SLC6A14: variants seen among roughly 807,000 people sequenced by gnomAD.
SLC6A14 encodes sodium- and chloride-dependent neutral and basic amino acid transporter B(0+).
SLC6A14 carries 21 observed loss-of-function variants against 51.4 expected under a neutral mutation model. The ratio of observed to expected loss-of-function variants is 0.41; its 90% CI spans 0.29 to 0.59. The LOEUF is 0.59. Among genes scored for constraint, SLC6A14 ranks in the 20% least tolerant of loss-of-function variants. SLC6A14 has a pLI of 0.31. For missense variants in SLC6A14, 371 were observed against 472.8 expected, an observed-to-expected ratio of 0.78 and a Z score of 2.00; for synonymous variants, 177 against 160.7, an observed-to-expected ratio of 1.10 and a Z score of -0.77.
At chrX:116,456,990 G>GT (rs1602516070) in intron 12 of SLC6A14, among the ~76,000 whole-genome samples, 1 of 111,704 alleles carries the variant, frequency 9.0e-6, no homozygotes, top group South Asian at 3.6e-4. Context: ...GATATTGAGG[G>GT]TTTTTTTGTT....
chrX:116,445,949 C>T (rs782396861), intron 6 of SLC6A14, among the ~76,000 whole-genome samples: 4,258 of 109,990 alleles, frequency 0.039, 247 homozygotes, highest in African/African-American at 0.14. Flanking sequence ...GAAAACTTTC[C>T]AAAATGTTTT....
intron 12 of SLC6A14, among the ~76,000 whole-genome samples, chrX:116,456,912 G>A (rs993018789): frequency 9.0e-6 from 1 of 111,723 alleles, no homozygotes; most frequent in Non-Finnish European, 1.9e-5. Flanking sequence ...AACATTTCGG[G>A]TTTATTTTAA....
chrX:116,436,748 G>A lies in SLC6A14; in HGVS notation c.39G>A (p.Arg13=). 3 of 1,165,682 alleles carry A rather than the reference G, an allele frequency of 2.6e-6. No homozygotes were observed. Among genetic ancestry groups the A allele is most frequent in the Non-Finnish European group, 3.4e-6 (3 of 871,805 alleles). Residue 13 remains arginine, a synonymous_variant, in exon 1 of 14, where the codon AGG becomes AGA. Coordinates refer to ENST00000598581, the MANE Select transcript of SLC6A14 (RefSeq NM_007231.5). ...KLKCPSFFKC[R]EKEKVSASSE... ...AATGCCCGAGTTTCTTCAAGTGCAG[G>A]GAGAAGGAGGTAGGGGTCTGGGAGC...
At position 116,458,626 on chromosome X, in the gene SLC6A14, C is replaced by A. The variant is rs138548349; in HGVS notation, c.1783-183C>A. Among the ~76,000 whole-genome samples, 681 of 111,675 alleles carry A rather than the reference C, an allele frequency of 6.1e-3. 2 individuals are homozygous for A. The highest frequency in any genetic ancestry group is 0.019 in the African/African-American group (595 of 30,829). The stretch of plus-strand genomic sequence containing the variant: ...TAACAACTAGCTACATTTGATTATA[C>A]CTTTTTCTTGGTAAACTGTGCATTA... On this transcript the variant is annotated intron_variant, in intron 13 of 13. Transcript: ENST00000598581.
intron 6 of SLC6A14, among the ~76,000 whole-genome samples, chrX:116,445,486 GA>G (rs1927691992): frequency 2.2e-4 from 19 of 87,825 alleles, no homozygotes; most frequent in Non-Finnish European, 4.5e-4. Context: ...GAGAGAGAGA[GA>G]GAGAGAGAGA....
At chrX:116,440,316 C>T (rs1927569520) in intron 2 of SLC6A14, among the ~76,000 whole-genome samples, 1 of 112,217 alleles carries the variant, frequency 8.9e-6, no homozygotes, top group Non-Finnish European at 1.9e-5. Context: ...AGTCTTCAAA[C>T]AAAACCAATA....
In SLC6A14 at chrX:116,457,761, A is replaced by G. The variant is rs782814452; in HGVS notation, c.1767A>G (p.Lys589=). Residue 589 remains lysine, a synonymous_variant, in exon 13 of 14, where the codon AAA becomes AAG. Transcript: ENST00000598581. ...CTATCATAAAAATAATTCAGGCTAA[A>G]GGAAACATCTTTCAAGTGAGTGCAT... ...IMAIIKIIQA[K]GNIFQRLISC... is the part of the protein sequence containing the mutation. 1 of 1,193,826 alleles carries G rather than the reference A, an allele frequency of 8.4e-7. No individual in the cohort carries two copies. Among genetic ancestry groups the G allele is most frequent in the South Asian group, 1.8e-5 (1 of 55,992 alleles).
At chrX:116,438,609 A>G (rs1315214406) in intron 2 of SLC6A14, among the ~76,000 whole-genome samples, 2 of 112,063 alleles carry the variant, frequency 1.8e-5, no homozygotes, top group African/African-American at 6.5e-5. Context: ...GGTAGACTCA[A>G]TTAGAAAAAG....
chrX:116,452,962 T>A (rs1364826415), intron 8 of SLC6A14, 55 bp from the exon 9 acceptor site: 6 of 972,427 alleles, frequency 6.2e-6, no homozygotes, highest in Non-Finnish European at 2.8e-6. Flanking sequence ...TTTTAAATGT[T>A]TAAATATGTG....
rs782615946 is a variant in SLC6A14 at position 116,455,454 on chromosome X, T to C, written c.1602T>C (p.Pro534=). ...WWRACWFVIT[P]ILLIAIFIWS... is the part of the protein sequence containing the mutation. ...GAGCTTGCTGGTTTGTAATTACGCC[T>C]ATCCTTTTGATTGTAAGTAATAATA... Residue 534 remains proline, a synonymous_variant, in exon 12 of 14, where the codon CCT becomes CCC. Transcript: ENST00000598581. 3.4e-6 allele frequency: 4 copies of C among 1,167,898 alleles called. No individual in the cohort carries two copies. Among genetic ancestry groups the C allele is most frequent in the Non-Finnish European group, 4.7e-6 (4 of 856,072 alleles).
rs61910752 is a variant in SLC6A14, at chrX:116,451,510, A to G, written c.999A>G (p.Leu333=). 6.9e-4 allele frequency: 837 copies of G among 1,208,981 alleles called. 4 individuals carry two copies. In the African/African-American group the frequency reaches 0.012, roughly 18 times the overall value. ...LSVAWGGLVA[L]SSYNKFKNNC... The stretch of plus-strand genomic sequence containing the variant: ...TGGCTTGGGGTGGCTTAGTTGCTCT[A>G]TCATCTTACAATAAGTTCAAAAACA... The change falls in exon 8 of 14, where the codon CTA becomes CTG. Residue 333 remains leucine, a synonymous_variant. Coordinates refer to ENST00000598581, the MANE Select transcript of SLC6A14 (RefSeq NM_007231.5).
chrX:116,436,642 C>T lies in SLC6A14; in HGVS notation c.-68C>T. ...GCAGGTAGGAACAGGGGAGAGTGCA[C>T]CTGCTACCAGTCAAGCTCAGCCAGA... On this transcript the variant is annotated 5_prime_UTR_variant, in exon 1 of 14. Coordinates refer to ENST00000598581, the MANE Select transcript of SLC6A14 (RefSeq NM_007231.5). 1.8e-6 allele frequency: 2 copies of T among 1,098,897 alleles called. No individual in the cohort carries two copies. 90.6% of individuals were successfully genotyped at this position (1,098,897 alleles called of 1,213,427 possible).
rs1217679249 is a variant in SLC6A14 at position 116,443,807 on chromosome X, A to T, written c.656+17A>T. ...ATATTGGAAGTAAGTATACTAGATG[A>T]TTTACTTTTAAGTAGATGTTATCTT... On this transcript the variant is annotated intron_variant, in intron 5 of 13. Coordinates refer to ENST00000598581, the MANE Select transcript of SLC6A14 (RefSeq NM_007231.5). 8.8e-7 allele frequency: 1 copy of T among 1,137,011 alleles called. No individual in the cohort carries two copies. Among genetic ancestry groups the T allele is most frequent in the Non-Finnish European group, 1.2e-6 (1 of 848,713 alleles). 93.7% of individuals were successfully genotyped at this position (1,137,011 alleles called of 1,213,427 possible).
At chrX:116,443,089 G>T (rs188648650) in intron 4 of SLC6A14, among the ~76,000 whole-genome samples, 43 of 110,861 alleles carry the variant, frequency 3.9e-4, no homozygotes, top group African/African-American at 1.3e-3. Context: ...TTGGGCAGGA[G>T]AGGAGAAACT....
intron 6 of SLC6A14, among the ~76,000 whole-genome samples, chrX:116,446,229 C>G (rs1402851673): frequency 1.8e-5 from 2 of 109,692 alleles, no homozygotes; most frequent in Non-Finnish European, 3.8e-5. Context: ...CTATCAAACT[C>G]TCTTAATGGT....
At chrX:116,443,837 T>G (rs1556693826) in intron 5 of SLC6A14, 47 bp downstream of exon 5, 1 of 994,132 alleles carries the variant, frequency 1.0e-6, no homozygotes, top group Admixed American at 3.1e-5. Context: ...TATCTTAAAA[T>G]TTGTACAAAA....
chrX:116,454,253 C>T, intron 9 of SLC6A14, 71 bp from the exon 10 acceptor site: 5 of 609,816 alleles, frequency 8.2e-6, no homozygotes, highest in East Asian at 3.3e-5. Flanking sequence ...GATTAACATA[C>T]ATTGAATTCT....
intron 6 of SLC6A14, 91 bp from the exon 7 acceptor site, chrX:116,446,650 A>T: frequency 1.5e-6 from 1 of 679,022 alleles, no homozygotes; most frequent in Non-Finnish European, 2.3e-6. Context: ...TTATTTAATT[A>T]ATCTCAACTG....
At chrX:116,454,126 C>T (rs782056865) in intron 9 of SLC6A14, among the ~76,000 whole-genome samples, 198 bp from the exon 10 acceptor site, 5 of 110,838 alleles carry the variant, frequency 4.5e-5, no homozygotes, top group Admixed American at 9.6e-5. Flanking sequence ...CAGCAAATAG[C>T]GCTGCATTTG....
Sources: allele counts gnomAD v4.1 joint callset (sites outside exome capture counted in the v4.1 genomes callset), GRCh38; gene constraint gnomAD v4.1.1; transcripts MANE v1.5; gene names NCBI Gene and HGNC (gene_info 2026-07-23, HGNC 2026-07-21).